KIF26B: variants seen among roughly 807,000 people sequenced by gnomAD.
KIF26B encodes kinesin-like protein KIF26B.
KIF26B carries 63 observed loss-of-function variants against 151.2 expected under a neutral mutation model. The ratio of observed to expected loss-of-function variants is 0.42; its 90% CI spans 0.34 to 0.51. KIF26B has a LOEUF of 0.51. Among genes scored for constraint, KIF26B ranks in the 20% least tolerant of loss-of-function variants. The pLI, the probability that KIF26B is intolerant of heterozygous loss-of-function variation, is 0.07. For synonymous variants in KIF26B, 1,357 were observed against 1,262.1 expected (o/e 1.08, Z -1.59); for missense variants, 2,813 against 2,913.6 (o/e 0.97, Z 0.79).
intron 5 of KIF26B, among the ~76,000 whole-genome samples, chr1:245,585,426 G>A (rs2043214219): frequency 6.6e-6 from 1 of 152,158 alleles, no homozygotes; most frequent in Non-Finnish European, 1.5e-5. Flanking sequence ...CTAACTTGGA[G>A]TATGAGTCAG....
chr1:245,538,862 C>T (rs1050052177), intron 4 of KIF26B, among the ~76,000 whole-genome samples: 5 of 152,012 alleles, frequency 3.3e-5, no homozygotes, highest in African/African-American at 9.7e-5. Context: ...TAGAAGGTGC[C>T]ATGATGCCTT....
intron 10 of KIF26B, among the ~76,000 whole-genome samples, chr1:245,657,170 C>T (rs1323771558): frequency 2.0e-5 from 3 of 152,164 alleles, no homozygotes; most frequent in African/African-American, 7.2e-5. Context: ...TGGCAGCCTC[C>T]CATTTATAAG....
chr1:245,399,111 C>T (rs778413087), intron 3 of KIF26B, among the ~76,000 whole-genome samples: 2 of 152,114 alleles, frequency 1.3e-5, no homozygotes, highest in African/African-American at 2.4e-5. Flanking sequence ...AGCATTGTCT[C>T]CCTCCAGTGA....
chr1:245,490,475 C>T (rs1660385396), intron 4 of KIF26B, among the ~76,000 whole-genome samples: 1 of 151,918 alleles, frequency 6.6e-6, no homozygotes, highest in East Asian at 1.9e-4. Flanking sequence ...CCACGTCCAG[C>T]TAATTTTTTG....
At chr1:245,310,582 A>G (rs1264458389) in intron 2 of KIF26B, among the ~76,000 whole-genome samples, 1 of 151,938 alleles carries the variant, frequency 6.6e-6, no homozygotes, top group Non-Finnish European at 1.5e-5. Context: ...TCTTCCCTTT[A>G]CTCTCAGCGG....
At position 245,207,212 on chromosome 1, in the gene KIF26B, C is replaced by CA. The variant is rs1459525957; in HGVS notation, c.465+50535dup. 2.6e-5 allele frequency among the ~76,000 whole-genome samples: 4 copies of CA among 152,096 alleles called. No homozygotes were observed. In the South Asian group the frequency reaches 6.2e-4, roughly 24 times the overall value. On this transcript the variant is annotated intron_variant, in intron 2 of 14. Transcript: ENST00000407071. ...AGGAGTCACAAGGAGAACGAGCACT[C>CA]AAAAAAGAGATTTCTCAGCAAGGCA...
In KIF26B at chr1:245,555,876, A is replaced by G. The variant is rs557041264; in HGVS notation, c.1350+14926A>G. Among the ~76,000 whole-genome samples, 10 of 152,264 alleles carry G rather than the reference A, an allele frequency of 6.6e-5. No individual in the cohort carries two copies. The East Asian group carries it at 1.2e-3, about 18-fold the overall frequency. On this transcript the variant is annotated intron_variant, in intron 5 of 14. Coordinates refer to ENST00000407071, the MANE Select transcript of KIF26B (RefSeq NM_018012.4). Reference sequence around the variant, plus strand: ...GTTCATTTTGTGGACCACTGATTTCACAATCATTTAGCAGTTTCCAGGGGG... The same window carrying G: ...GTTCATTTTGTGGACCACTGATTTCGCAATCATTTAGCAGTTTCCAGGGGG...
chr1:245,267,875 T>A (rs1490287592), intron 2 of KIF26B, among the ~76,000 whole-genome samples: 2 of 152,214 alleles, frequency 1.3e-5, no homozygotes, highest in Non-Finnish European at 2.9e-5. Flanking sequence ...AAAGAATGAA[T>A]TCAGGAGACT....
chr1:245,325,009 C>T (rs976533885), intron 2 of KIF26B, among the ~76,000 whole-genome samples: 2 of 150,276 alleles, frequency 1.3e-5, no homozygotes, highest in Admixed American at 6.7e-5. Context: ...GCAGGAGAAT[C>T]GCTTGAACCC....
In KIF26B at chr1:245,702,211, T is replaced by C. The variant is rs1210633339; in HGVS notation, c.6179-247T>C. 6.6e-6 allele frequency among the ~76,000 whole-genome samples: 1 copy of C among 152,166 alleles called. No individual in the cohort carries two copies. The highest frequency in any genetic ancestry group is 1.5e-5 in the Non-Finnish European group (1 of 68,040). On this transcript the variant is annotated intron_variant, in intron 14 of 14. Transcript: ENST00000407071. The surrounding 1 kb of genome is among the most constrained non-coding windows in gnomAD (Gnocchi z 4.1). ...GCTGGAGGTAGGGGGAGCTAGAATG[T>C]CACCTTATTGGTCAGTAGAATCTCA...
At chr1:245,460,576 A>G (rs1259217801) in intron 4 of KIF26B, among the ~76,000 whole-genome samples, 4 of 152,248 alleles carry the variant, frequency 2.6e-5, no homozygotes, top group African/African-American at 9.6e-5. Context: ...GTACAGAAAA[A>G]GAAAGATTTC....
At chr1:245,693,691 C>T (rs1339980566) in intron 12 of KIF26B, among the ~76,000 whole-genome samples, 1 of 152,184 alleles carries the variant, frequency 6.6e-6, no homozygotes, top group African/African-American at 2.4e-5. Context: ...TCCCAGGGCG[C>T]TGCACAAAAA....
chr1:245,603,640 C>T (rs530964646), intron 6 of KIF26B, among the ~76,000 whole-genome samples: 2 of 152,112 alleles, frequency 1.3e-5, no homozygotes, highest in Admixed American at 1.3e-4. Context: ...TCCACATTGT[C>T]GGTCGTCATC....
At chr1:245,421,169 C>T (rs1403863031) in intron 4 of KIF26B, among the ~76,000 whole-genome samples, 1 of 152,104 alleles carries the variant, frequency 6.6e-6, no homozygotes, top group Non-Finnish European at 1.5e-5. Context: ...ATGTCCATGC[C>T]ATTTAGGGAG....
intron 2 of KIF26B, among the ~76,000 whole-genome samples, chr1:245,309,828 TTATAA>T (rs1369919138): frequency 6.8e-6 from 1 of 146,420 alleles, no homozygotes; most frequent in African/African-American, 2.5e-5. Flanking sequence ...AGTTGTAAAA[TTATAA>T]TATATATTAT....
Position 245,688,323 on chromosome 1 carries a change from G to T in KIF26B, c.5340G>T (p.Thr1780=), listed in dbSNP as rs1475531818. Residue 1780 remains threonine (T), a synonymous_variant, in exon 12 of 15, where the codon ACG becomes ACT. Coordinates refer to ENST00000407071, the MANE Select transcript of KIF26B (RefSeq NM_018012.4). The part of the protein sequence containing the change: ...GSSSPPGGKH[T]PWSTQSLSRN... ...GCTCGCCCCCCGGTGGGAAGCACAC[G>T]CCCTGGTCCACGCAGTCCCTCAGCA... 6.3e-7 allele frequency: 1 copy of T among 1,593,950 alleles called. No homozygotes were observed. Among genetic ancestry groups the T allele is most frequent in the Admixed American group, 1.7e-5 (1 of 59,502 alleles).
At chr1:245,584,731 G>C (rs958807423) in intron 5 of KIF26B, among the ~76,000 whole-genome samples, 1 of 152,200 alleles carries the variant, frequency 6.6e-6, no homozygotes, top group African/African-American at 2.4e-5. Context: ...AAAGCAATGA[G>C]AGAAAAAAGC....
chr1:245,600,242 G>T (rs1199208823), intron 5 of KIF26B, among the ~76,000 whole-genome samples: 2 of 126,900 alleles, frequency 1.6e-5, no homozygotes, highest in Admixed American at 7.9e-5. Context: ...GTTTCACCGT[G>T]TTAGCCAGGA....
At chr1:245,393,516 G>A (rs1673750734) in intron 3 of KIF26B, among the ~76,000 whole-genome samples, 1 of 152,080 alleles carries the variant, frequency 6.6e-6, no homozygotes, top group Admixed American at 6.5e-5. Flanking sequence ...CAAATATTTG[G>A]TGATCCTTGG....
Sources: allele counts gnomAD v4.1 joint callset (sites outside exome capture counted in the v4.1 genomes callset), GRCh38; gene constraint gnomAD v4.1.1; non-coding constraint Gnocchi (gnomAD v3.1); transcripts MANE v1.5; gene names NCBI Gene and HGNC (gene_info 2026-07-23, HGNC 2026-07-21).